CAMTA1: variants seen among roughly 807,000 people sequenced by gnomAD.
The protein encoded by CAMTA1 is calmodulin binding transcription activator 1.
CAMTA1 carries 27 observed loss-of-function variants against 170.9 expected under a neutral mutation model. That is an observed-to-expected ratio of 0.16 (90% CI 0.12 to 0.22). The LOEUF (loss-of-function observed/expected upper bound fraction) is 0.22, where lower values mean the gene tolerates loss of function less well. Among genes scored for constraint, CAMTA1 ranks in the 10% least tolerant of loss-of-function variants. The probability of loss-of-function intolerance (pLI) is 1.00; values close to 1 mark genes in which losing one functional copy is unlikely to be tolerated. For synonymous variants in CAMTA1, 833 were observed against 891.5 expected (o/e 0.93, Z 1.17); for missense variants, 1,619 against 2,217.2 (o/e 0.73, Z 5.42).
At chr1:6,928,646 A>G (rs1235757090) in intron 3 of CAMTA1, among the ~76,000 whole-genome samples, 2 of 152,170 alleles carry the variant, frequency 1.3e-5, no homozygotes, top group African/African-American at 4.8e-5. Flanking sequence ...ACTTCTGTCA[A>G]TTTGAAGATC....
At chr1:7,744,163 G>A (rs1270685231) in intron 16 of CAMTA1, among the ~76,000 whole-genome samples, 6 of 74,208 alleles carry the variant, frequency 8.1e-5, no homozygotes, top group East Asian at 4.1e-4. Context: ...TTGGAGTCTC[G>A]CGCTGTCGCC....
chr1:7,654,787 CCA>C (rs2095871341), intron 7 of CAMTA1, among the ~76,000 whole-genome samples: 3 of 100,578 alleles, frequency 3.0e-5, no homozygotes, highest in Non-Finnish European at 6.3e-5. Flanking sequence ...ACACCTATAC[CCA>C]CACACCTATA....
chr1:6,903,807 G>A (rs2149226485), intron 3 of CAMTA1, among the ~76,000 whole-genome samples: 1 of 152,292 alleles, frequency 6.6e-6, no homozygotes, highest in African/African-American at 2.4e-5. Context: ...GGATTGAGCT[G>A]GATGGGTGGG....
chr1:7,499,747 G>A (rs2149786024), intron 6 of CAMTA1, among the ~76,000 whole-genome samples: 1 of 144,030 alleles, frequency 6.9e-6, no homozygotes, highest in African/African-American at 2.6e-5. Context: ...AGTGTGTAGA[G>A]AGGATTGTGT....
At chr1:7,030,137 T>C (rs1264910096) in intron 3 of CAMTA1, among the ~76,000 whole-genome samples, 46 of 152,258 alleles carry the variant, frequency 3.0e-4, no homozygotes, top group Admixed American at 3.0e-3. Flanking sequence ...AGCGGTACTT[T>C]CTTAGATGTT....
intron 3 of CAMTA1, among the ~76,000 whole-genome samples, chr1:7,047,819 C>T (rs1257003403): frequency 2.6e-5 from 4 of 151,700 alleles, no homozygotes; most frequent in Admixed American, 2.0e-4. Context: ...GAGCGTCATC[C>T]GAGCAGGGGA....
At chr1:7,466,179 G>A (rs1045227166) in intron 5 of CAMTA1, among the ~76,000 whole-genome samples, 1 of 152,132 alleles carries the variant, frequency 6.6e-6, no homozygotes, top group Non-Finnish European at 1.5e-5. Flanking sequence ...CGTCTCCTTC[G>A]GCAAGGAGTG....
chr1:7,601,197 G>A (rs1167217537), intron 6 of CAMTA1, among the ~76,000 whole-genome samples: 5 of 150,316 alleles, frequency 3.3e-5, no homozygotes, highest in African/African-American at 1.2e-4. Flanking sequence ...GGTGGCTGCT[G>A]GGCGGAGACG....
chr1:7,247,879 T>C (rs1452917890), intron 4 of CAMTA1, among the ~76,000 whole-genome samples: 1 of 152,196 alleles, frequency 6.6e-6, no homozygotes, highest in African/African-American at 2.4e-5. Context: ...TGCAGACTTG[T>C]AAGCAGGAGA....
intron 3 of CAMTA1, among the ~76,000 whole-genome samples, chr1:6,840,871 C>T (rs891088598): frequency 1.3e-5 from 2 of 152,108 alleles, no homozygotes; most frequent in Non-Finnish European, 2.9e-5. Flanking sequence ...AAGGAGGGTG[C>T]GTCACTTTTA....
intron 3 of CAMTA1, among the ~76,000 whole-genome samples, chr1:7,053,215 C>A (rs1264286186): frequency 2.6e-5 from 4 of 152,188 alleles, no homozygotes; most frequent in African/African-American, 9.7e-5. Flanking sequence ...CCTGCGGTGG[C>A]AGCTTCTTTT....
intron 6 of CAMTA1, among the ~76,000 whole-genome samples, chr1:7,515,849 G>T (rs563441497): frequency 2.6e-5 from 4 of 152,222 alleles, no homozygotes; most frequent in Non-Finnish European, 5.9e-5. Flanking sequence ...GCAGCAGGTC[G>T]TGGGACATGG....
rs922925648 is a variant in CAMTA1, at chr1:7,329,714, C to T, written c.438+80088C>T. Among the ~76,000 whole-genome samples the T allele has an allele frequency of 2.6e-5, 4 of 152,224 alleles. No individual in the cohort carries two copies. The South Asian group carries it at 6.2e-4, about 24-fold the overall frequency. ...GAGGTAGATTGTTCAATTACAGAAG[C>T]GATACCCCATCTCTTCTATGTGTAA... On this transcript the variant is annotated intron_variant, in intron 5 of 22. Transcript: ENST00000303635.
chr1:7,469,804 A>G (rs1175502641), intron 6 of CAMTA1, among the ~76,000 whole-genome samples: 1 of 152,128 alleles, frequency 6.6e-6, no homozygotes, highest in Non-Finnish European at 1.5e-5. Context: ...ACGAGGTCTG[A>G]GCTGATGACT....
chr1:7,093,773 G>T lies in CAMTA1; in HGVS notation c.302+2402G>T, dbSNP rs186464632. On this transcript the variant is annotated intron_variant, in intron 4 of 22. Transcript: ENST00000303635. The surrounding 1 kb of genome is among the most constrained non-coding windows in gnomAD (Gnocchi z 4.6). Reference sequence around the variant, plus strand: ...TGTGCCTGGCAGAAGAAGGAAGGTGGGTTTCAGATGTGGTCAAGTCCGGGT... The same window carrying T: ...TGTGCCTGGCAGAAGAAGGAAGGTGTGTTTCAGATGTGGTCAAGTCCGGGT... Among the ~76,000 whole-genome samples, 11 of 152,250 alleles carry T rather than the reference G, an allele frequency of 7.2e-5. No homozygotes were observed. Among genetic ancestry groups the T allele is most frequent in the African/African-American group, 2.6e-4 (11 of 41,536 alleles).
intron 10 of CAMTA1, among the ~76,000 whole-genome samples, chr1:7,672,303 C>T (rs1423699157): frequency 6.6e-6 from 1 of 152,296 alleles, no homozygotes; most frequent in East Asian, 1.9e-4. Context: ...CCAGCCTGAG[C>T]CTTGGCTGCC....
chr1:7,617,486 C>G (rs1034551100), intron 6 of CAMTA1, among the ~76,000 whole-genome samples: 4 of 152,140 alleles, frequency 2.6e-5, no homozygotes, highest in African/African-American at 9.7e-5. Flanking sequence ...TGGGGAAATT[C>G]CCAGGAGAAT....
chr1:6,796,661 A>G (rs1642589496), intron 1 of CAMTA1, among the ~76,000 whole-genome samples: 1 of 152,142 alleles, frequency 6.6e-6, no homozygotes, highest in Non-Finnish European at 1.5e-5. Context: ...CTAGCCTAGT[A>G]TTCCTTGTAT....
At chr1:6,875,656 C>A (rs1669626320) in intron 3 of CAMTA1, among the ~76,000 whole-genome samples, 1 of 152,162 alleles carries the variant, frequency 6.6e-6, no homozygotes, top group South Asian at 2.1e-4. Context: ...GCCCCTCTTC[C>A]TGCCCCCCAT....
Sources: gnomAD v4.1 joint callset for allele counts (sites outside exome capture counted in the v4.1 genomes callset) on GRCh38, gnomAD v4.1.1 for gene constraint, Gnocchi (gnomAD v3.1) non-coding constraint, MANE v1.5 for transcripts, NCBI Gene and HGNC (gene_info 2026-07-23, HGNC 2026-07-21) for gene names.